The following PTPRD variants were observed in gnomAD, a reference collection of about 807,000 sequenced individuals.
The protein encoded by PTPRD is protein tyrosine phosphatase receptor type D.
In PTPRD, 34 loss-of-function variants were observed where a neutral mutation model predicts 214.5. The observed-to-expected ratio is 0.16, with a 90% CI of 0.12 to 0.21. The LOEUF is 0.21. PTPRD is among the 10% of genes least tolerant of loss of function. The pLI is 1.00. For synonymous variants in PTPRD, 1,128 were observed against 845.7 expected, an observed-to-expected ratio of 1.33 and a Z score of -5.79; for missense variants, 2,545 against 2,398.7, an observed-to-expected ratio of 1.06 and a Z score of -1.27.
In PTPRD at chr9:8,570,541, G is replaced by A. The variant is rs533633802; in HGVS notation, c.353-41762C>T. Among the ~76,000 whole-genome samples the A allele has an allele frequency of 1.8e-4, 27 of 152,226 alleles. No individual in the cohort carries two copies. The East Asian group carries it at 4.6e-3, about 26-fold the overall frequency. On this transcript the variant is annotated intron_variant, in intron 14 of 45. Coordinates refer to ENST00000381196, the MANE Select transcript of PTPRD (RefSeq NM_002839.4). ...ATGGTAATAAATACACTTAAGAGAGGTAGGTTTTAATAATAACAAATACAT... is the reference window on the plus strand; with the variant it reads ...ATGGTAATAAATACACTTAAGAGAGATAGGTTTTAATAATAACAAATACAT...
intron 10 of PTPRD, among the ~76,000 whole-genome samples, chr9:9,155,177 T>C (rs1459951196): frequency 6.6e-6 from 1 of 152,166 alleles, no homozygotes; most frequent in African/African-American, 2.4e-5. Flanking sequence ...ACATTCTCTT[T>C]TGATTCTAGA....
chr9:9,461,533 A>C (rs1324681574), intron 8 of PTPRD, among the ~76,000 whole-genome samples: 1 of 152,106 alleles, frequency 6.6e-6, no homozygotes. Flanking sequence ...GAATGGAAGA[A>C]AGTTAATATG....
At chr9:8,881,858 C>T (rs192918483) in intron 11 of PTPRD, among the ~76,000 whole-genome samples, 82 of 152,320 alleles carry the variant, frequency 5.4e-4, no homozygotes, top group African/African-American at 1.9e-3. Flanking sequence ...CCTTTCTAGA[C>T]ATTCTTCTGG....
At chr9:8,450,908 C>G (rs1259634693) in intron 33 of PTPRD, among the ~76,000 whole-genome samples, 1 of 152,190 alleles carries the variant, frequency 6.6e-6, no homozygotes, top group Non-Finnish European at 1.5e-5. Flanking sequence ...TATCTCACCC[C>G]TGCTCAAAGC....
At chr9:8,493,239 TCTTAAA>T (rs1349613562) in intron 26 of PTPRD, among the ~76,000 whole-genome samples, 1 of 152,190 alleles carries the variant, frequency 6.6e-6, no homozygotes, top group African/African-American at 2.4e-5. Context: ...CTTCCTGAAT[TCTTAAA>T]CTTAAACTTG....
intron 14 of PTPRD, among the ~76,000 whole-genome samples, chr9:8,570,231 TAATA>T (rs2090707955): frequency 6.6e-6 from 1 of 152,120 alleles, no homozygotes; most frequent in African/African-American, 2.4e-5. Context: ...GTAATGGTCA[TAATA>T]AATACACTCC....
intron 7 of PTPRD, among the ~76,000 whole-genome samples, chr9:9,670,296 G>C (rs892568018): frequency 6.6e-6 from 1 of 152,132 alleles, no homozygotes; most frequent in Admixed American, 6.6e-5. Context: ...TCTGGCAGAA[G>C]TAATTTCCAA....
chr9:10,426,113 T>C (rs2098612009), intron 2 of PTPRD, among the ~76,000 whole-genome samples: 1 of 152,016 alleles, frequency 6.6e-6, no homozygotes, highest in South Asian at 2.1e-4. Context: ...CTAAAGCCAA[T>C]GCTTAAGAAA....
chr9:10,329,903 G>T (rs1426258829), intron 3 of PTPRD, among the ~76,000 whole-genome samples: 2 of 151,848 alleles, frequency 1.3e-5, no homozygotes, highest in Non-Finnish European at 2.9e-5. Context: ...TACTTAAGTT[G>T]CTACTGAAGA....
chr9:9,714,649 T>G (rs1444917665), intron 7 of PTPRD, among the ~76,000 whole-genome samples: 3 of 152,086 alleles, frequency 2.0e-5, no homozygotes, highest in Non-Finnish European at 2.9e-5. Flanking sequence ...TAAAAAACAT[T>G]CTAACAATGA....
intron 12 of PTPRD, among the ~76,000 whole-genome samples, chr9:8,702,570 G>C (rs961469269): frequency 6.6e-6 from 1 of 152,160 alleles, no homozygotes; most frequent in African/African-American, 2.4e-5. Context: ...CTGCACAAGA[G>C]GTTCTCCCTG....
intron 11 of PTPRD, among the ~76,000 whole-genome samples, chr9:8,804,648 T>C (rs375411217): frequency 6.9e-6 from 1 of 144,848 alleles, no homozygotes; most frequent in Non-Finnish European, 1.5e-5. Flanking sequence ...AAAATATATA[T>C]GTATCTCCTA....
At chr9:9,085,055 T>C (rs2099765022) in intron 10 of PTPRD, among the ~76,000 whole-genome samples, 1 of 152,148 alleles carries the variant, frequency 6.6e-6, no homozygotes, top group Non-Finnish European at 1.5e-5. Flanking sequence ...TTGATTATAA[T>C]GTATGATTCT....
intron 9 of PTPRD, among the ~76,000 whole-genome samples, chr9:9,301,973 A>G (rs1391733520): frequency 2.0e-5 from 3 of 151,922 alleles, no homozygotes; most frequent in African/African-American, 4.8e-5. Context: ...TTCATTCACT[A>G]TTTAAAGTCA....
At chr9:8,667,101 G>A (rs942912093) in intron 12 of PTPRD, among the ~76,000 whole-genome samples, 1 of 152,210 alleles carries the variant, frequency 6.6e-6, no homozygotes, top group Non-Finnish European at 1.5e-5. Context: ...CACTTTAGGA[G>A]GCTGAGGCGG....
chr9:9,779,987 C>A (rs1026683500), intron 5 of PTPRD, among the ~76,000 whole-genome samples: 1 of 152,050 alleles, frequency 6.6e-6, no homozygotes, highest in African/African-American at 2.4e-5. Context: ...TTCATCATAG[C>A]GAAGACGACA....
At position 9,375,506 on chromosome 9, in the gene PTPRD, G is replaced by A. The variant is rs554272806; in HGVS notation, c.-203+21943C>T. ...AGCTACTCGGGAGGCTGAGGCAGAA[G>A]AATCACTTGAACCTGGGAGGCGGAG... is the stretch of plus-strand genomic sequence containing the variant. On this transcript the variant is annotated intron_variant, in intron 9 of 45. Transcript: ENST00000381196. 2.0e-5 allele frequency among the ~76,000 whole-genome samples: 3 copies of A among 152,226 alleles called. No homozygotes were observed. The South Asian group carries it at 6.2e-4, about 32-fold the overall frequency.
chr9:8,928,531 C>A (rs1204601355), intron 11 of PTPRD, among the ~76,000 whole-genome samples: 2 of 151,590 alleles, frequency 1.3e-5, no homozygotes, highest in Non-Finnish European at 2.9e-5. Flanking sequence ...GGCATTATTT[C>A]TGAGGCCTCT....
chr9:9,616,495 T>C (rs563364977), intron 7 of PTPRD, among the ~76,000 whole-genome samples: 2 of 152,316 alleles, frequency 1.3e-5, no homozygotes, highest in East Asian at 1.9e-4. Flanking sequence ...ATAAGGTTTA[T>C]TCTAAGTTTT....
Sources: allele counts gnomAD v4.1 joint callset (sites outside exome capture counted in the v4.1 genomes callset), GRCh38; gene constraint gnomAD v4.1.1; transcripts MANE v1.5; gene names NCBI Gene and HGNC (gene_info 2026-07-23, HGNC 2026-07-21).